The following MTMR12 variants were observed in gnomAD, a reference collection of about 807,000 sequenced individuals.
MTMR12 encodes the protein myotubularin-related protein 12.
A neutral mutation model predicts 96.7 loss-of-function variants in MTMR12; 33 were observed. The observed-to-expected ratio is 0.34, with a 90% confidence interval of 0.26 to 0.46. The LOEUF (loss-of-function observed/expected upper bound fraction) is 0.46, where lower values mean the gene tolerates loss of function less well. Among genes scored for constraint, MTMR12 ranks in the 20% least tolerant of loss-of-function variants. The pLI, the probability that MTMR12 is intolerant of heterozygous loss-of-function variation, is 1.00. For synonymous variants in MTMR12, 298 were observed against 327.2 expected, an observed-to-expected ratio of 0.91 and a Z score of 0.96; for missense variants, 721 against 896.1, an observed-to-expected ratio of 0.80 and a Z score of 2.49.
intron 8 of MTMR12, among the ~76,000 whole-genome samples, 169 bp from the exon 9 acceptor site, chr5:32,249,047 G>A (rs1748807373): frequency 6.6e-6 from 1 of 152,148 alleles, no homozygotes. Context: ...GAAAAAGAAT[G>A]ATTTAGTTTT....
chr5:32,291,554 T>C (rs997461138), intron 1 of MTMR12, among the ~76,000 whole-genome samples: 3 of 152,104 alleles, frequency 2.0e-5, no homozygotes, highest in Non-Finnish European at 2.9e-5. Context: ...CAGCAATGGG[T>C]GACCTCAGCA....
At chr5:32,294,112 T>C (rs1750836421) in intron 1 of MTMR12, among the ~76,000 whole-genome samples, 1 of 152,108 alleles carries the variant, frequency 6.6e-6, no homozygotes, top group Non-Finnish European at 1.5e-5. Flanking sequence ...CCCTACTGCA[T>C]CCTCTGGGAC....
intron 1 of MTMR12, among the ~76,000 whole-genome samples, chr5:32,293,870 C>A (rs1431014804): frequency 6.6e-6 from 1 of 152,190 alleles, no homozygotes; most frequent in East Asian, 1.9e-4. Context: ...AAAATCAGCT[C>A]ATCGCCACCC....
intron 1 of MTMR12, among the ~76,000 whole-genome samples, chr5:32,299,956 A>C (rs1024384986): frequency 6.6e-6 from 1 of 152,104 alleles, no homozygotes; most frequent in Non-Finnish European, 1.5e-5. Context: ...GCTTTTGCAT[A>C]AGACCAGATG....
At chr5:32,299,808 A>C (rs910444798) in intron 1 of MTMR12, among the ~76,000 whole-genome samples, 1 of 152,212 alleles carries the variant, frequency 6.6e-6, no homozygotes, top group African/African-American at 2.4e-5. Context: ...CACACCTTAC[A>C]TAAGAGATGG....
chr5:32,286,949 A>G (rs1246813213), intron 1 of MTMR12, among the ~76,000 whole-genome samples: 1 of 152,140 alleles, frequency 6.6e-6, no homozygotes, highest in African/African-American at 2.4e-5. Context: ...TGAACACAAC[A>G]CACAGCACCT....
rs573848600 is a variant in MTMR12 at position 32,281,861 on chromosome 5, T to C, written c.82-5119A>G. On this transcript the variant is annotated intron_variant, in intron 1 of 15. Coordinates refer to ENST00000382142, the MANE Select transcript of MTMR12 (RefSeq NM_001040446.3). Reference sequence around the variant, plus strand: ...GCTGCAGTGAGCTGAGATCATACCATTGCACTCCAGCCTGGGAGACAGTGC... The same window carrying C: ...GCTGCAGTGAGCTGAGATCATACCACTGCACTCCAGCCTGGGAGACAGTGC... Among the ~76,000 whole-genome samples the C allele has an allele frequency of 6.0e-5, 9 of 150,172 alleles. No individual in the cohort carries two copies. In the East Asian group the frequency reaches 7.9e-4, roughly 13 times the overall value.
At chr5:32,244,842 G>A (rs887669350) in intron 10 of MTMR12, among the ~76,000 whole-genome samples, 1 of 152,062 alleles carries the variant, frequency 6.6e-6, no homozygotes, top group African/African-American at 2.4e-5. Context: ...ACTTCAAAAA[G>A]TATGTGAAAA....
chr5:32,252,263 T>C (rs1209415591), intron 8 of MTMR12, among the ~76,000 whole-genome samples: 5 of 152,086 alleles, frequency 3.3e-5, no homozygotes, highest in Non-Finnish European at 5.9e-5. Context: ...GTAGACAGCA[T>C]GGAGATGTGG....
At position 32,230,347 on chromosome 5, in the gene MTMR12, G is replaced by A. The variant is rs1283963358; in HGVS notation, c.1675C>T (p.His559Tyr). Reference sequence around the variant, plus strand: ...AGTGGCAAAGAAAGTTGTCGTTGATGCTTTGAGAGAAAACACAAATAAAAA... The same window carrying A: ...AGTGGCAAAGAAAGTTGTCGTTGATACTTTGAGAGAAAACACAAATAAAAA... Reference protein sequence around the residue: ...KGQRKGMRFKHQRQLSLPLTQ... With the variant: ...KGQRKGMRFKYQRQLSLPLTQ... Residue 559 changes from histidine (H) to tyrosine (Y), a missense_variant and splice_region_variant, in exon 16 of 16, where the codon CAT (histidine) becomes TAT (tyrosine). His to Tyr is a moderately conservative substitution (Grantham distance 83). Transcript: ENST00000382142. 1 of 1,595,040 alleles carries A rather than the reference G, an allele frequency of 6.3e-7. No homozygotes were observed.
chr5:32,232,178 G>A (rs986101812), intron 15 of MTMR12, among the ~76,000 whole-genome samples: 1 of 152,132 alleles, frequency 6.6e-6, no homozygotes, highest in Non-Finnish European at 1.5e-5. Flanking sequence ...CCCCCCCACC[G>A]TGTGGCATTT....
chr5:32,280,685 G>A (rs895888519), intron 1 of MTMR12, among the ~76,000 whole-genome samples: 2 of 151,960 alleles, frequency 1.3e-5, no homozygotes, highest in African/African-American at 4.8e-5. Context: ...AAAGAATACC[G>A]ACCTGGGGCC....
At chr5:32,245,154 G>C (rs1334222119) in intron 10 of MTMR12, among the ~76,000 whole-genome samples, 1 of 152,176 alleles carries the variant, frequency 6.6e-6, no homozygotes, top group African/African-American at 2.4e-5. Flanking sequence ...TTCTGTCTCA[G>C]CCTCCGGAGT....
At chr5:32,260,963 T>C (rs539253609) in intron 7 of MTMR12, among the ~76,000 whole-genome samples, 1 of 151,788 alleles carries the variant, frequency 6.6e-6, no homozygotes, top group Non-Finnish European at 1.5e-5. Context: ...CCAGGCGCAG[T>C]GGCTCACGCG....
chr5:32,261,704 T>C (rs1465917153), intron 7 of MTMR12, among the ~76,000 whole-genome samples: 2 of 152,214 alleles, frequency 1.3e-5, no homozygotes, highest in Admixed American at 1.3e-4. Context: ...CCATCTCTAA[T>C]AGCTAGGACA....
chr5:32,258,857 T>C (rs971391510), intron 7 of MTMR12, among the ~76,000 whole-genome samples: 2 of 149,794 alleles, frequency 1.3e-5, no homozygotes, highest in Non-Finnish European at 3.0e-5. Context: ...TTGAATATTT[T>C]ACACTGTTAG....
intron 11 of MTMR12, among the ~76,000 whole-genome samples, chr5:32,242,713 G>C (rs1748532586): frequency 6.6e-6 from 1 of 151,618 alleles, no homozygotes; most frequent in African/African-American, 2.4e-5. Context: ...TCTTCATCTG[G>C]CTAGAGATGC....
At position 32,312,306 on chromosome 5, in the gene MTMR12, G is replaced by A. The variant is rs938421823; in HGVS notation, c.81+452C>T. ...AGGGCATCCCGCCAGCCGCACCCGA[G>A]GCACTCAGACGCAGGCAGCGGAGGC... On this transcript the variant is annotated intron_variant, in intron 1 of 15. Coordinates refer to ENST00000382142, the MANE Select transcript of MTMR12 (RefSeq NM_001040446.3). This position sits in a 1 kb window ranked among gnomAD's most constrained non-coding sequence, Gnocchi z 5.0. Among the ~76,000 whole-genome samples the A allele has an allele frequency of 2.6e-5, 4 of 152,218 alleles. No individual in the cohort carries two copies. Among genetic ancestry groups the A allele is most frequent in the Non-Finnish European group, 4.4e-5 (3 of 68,030 alleles).
intron 11 of MTMR12, 69 bp from the exon 12 acceptor site, chr5:32,242,196 TGA>T (rs938474493): frequency 6.2e-6 from 7 of 1,137,816 alleles, no homozygotes; most frequent in East Asian, 2.4e-5. Context: ...ACTACGTAGT[TGA>T]GAGAGAGTCT....
Sources: gnomAD v4.1 joint callset for allele counts (sites outside exome capture counted in the v4.1 genomes callset) on GRCh38, gnomAD v4.1.1 for gene constraint, Gnocchi (gnomAD v3.1) non-coding constraint, MANE v1.5 for transcripts, NCBI Gene and HGNC (gene_info 2026-07-23, HGNC 2026-07-21) for gene names.